The following RAD54L2 variants were observed in gnomAD, a reference collection of about 807,000 sequenced individuals.
RAD54L2 encodes RAD54 like 2, also known as helicase ARIP4.
A neutral mutation model predicts 138.4 loss-of-function variants in RAD54L2; 27 were observed. The ratio of observed to expected loss-of-function variants is 0.20; its 90% confidence interval spans 0.14 to 0.27. The LOEUF (loss-of-function observed/expected upper bound fraction) is 0.27, where lower values mean the gene tolerates loss of function less well. RAD54L2 is among the 10% of genes least tolerant of loss of function. The pLI is 1.00. For missense variants in RAD54L2, 1,396 were observed against 1,890.2 expected, an observed-to-expected ratio of 0.74 and a Z score of 4.85; for synonymous variants, 644 against 723.2, an observed-to-expected ratio of 0.89 and a Z score of 1.76.
intron 20 of RAD54L2, 54 bp from the exon 21 acceptor site, chr3:51,657,526 C>A: frequency 1.6e-6 from 2 of 1,253,456 alleles, no homozygotes; most frequent in South Asian, 1.3e-5. Flanking sequence ...AATTTTCCCC[C>A]CTCCTTCAGT....
intron 3 of RAD54L2, among the ~76,000 whole-genome samples, chr3:51,598,139 GTA>G (rs1253406106): frequency 4.5e-4 from 64 of 140,862 alleles, no homozygotes; most frequent in African/African-American, 1.5e-3. Flanking sequence ...ATATATGTGT[GTA>G]TATATATATG....
rs1459000928 is a variant in RAD54L2, at chr3:51,664,232, A to AT, written c.*814dup. ...CACATTTGTGTGAGAATTTGGGGAA[A>AT]TTCATGAGAGAAAATGGGCATTACC... On this transcript the variant is annotated 3_prime_UTR_variant, in exon 23 of 23. Coordinates refer to ENST00000684192, the MANE Select transcript of RAD54L2 (RefSeq NM_015106.4). The AT allele has an allele frequency of 6.6e-6, 1 of 152,130 alleles. No homozygotes were observed. Among genetic ancestry groups the AT allele is most frequent in the Non-Finnish European group, 1.5e-5 (1 of 68,028 alleles). 9.4% of individuals were successfully genotyped at this position (152,130 alleles called of 1,614,324 possible).
intron 2 of RAD54L2, among the ~76,000 whole-genome samples, chr3:51,588,306 G>A (rs917787620): frequency 1.3e-5 from 2 of 151,366 alleles, no homozygotes; most frequent in Non-Finnish European, 2.9e-5. Context: ...AGGCTGAGGC[G>A]GGAGGATCAC....
At chr3:51,575,260 A>G (rs2106674170) in intron 2 of RAD54L2, among the ~76,000 whole-genome samples, 1 of 152,222 alleles carries the variant, frequency 6.6e-6, no homozygotes, top group South Asian at 2.1e-4. Context: ...GCCTTGTAGT[A>G]TAGTTTGAAG....
intron 2 of RAD54L2, among the ~76,000 whole-genome samples, chr3:51,548,481 C>G (rs1698755884): frequency 6.6e-6 from 1 of 152,204 alleles, no homozygotes. Flanking sequence ...AGCCACCACG[C>G]CCAGCCAACA....
intron 2 of RAD54L2, among the ~76,000 whole-genome samples, chr3:51,585,840 T>G (rs1312128396): frequency 6.6e-6 from 1 of 152,150 alleles, no homozygotes; most frequent in Non-Finnish European, 1.5e-5. Context: ...ACAATTTGAT[T>G]CCCAGAACTT....
intron 1 of RAD54L2, 36 bp from the exon 2 acceptor site, chr3:51,541,553 G>C (rs886310780): frequency 6.6e-6 from 1 of 152,208 alleles, no homozygotes; most frequent in Non-Finnish European, 1.5e-5. Flanking sequence ...GCATGAAGGC[G>C]TTGCTTATCC....
intron 21 of RAD54L2, among the ~76,000 whole-genome samples, chr3:51,659,102 T>G (rs1372405345): frequency 7.2e-6 from 1 of 139,092 alleles, no homozygotes; most frequent in Non-Finnish European, 1.6e-5. Context: ...GCTCTTGTTT[T>G]TTTTTTTTTT....
chr3:51,655,913 G>T, intron 19 of RAD54L2, 58 bp from the exon 20 acceptor site: 2 of 1,462,038 alleles, frequency 1.4e-6, no homozygotes, highest in South Asian at 1.3e-5. Flanking sequence ...TGTAGCCTTT[G>T]GAAAAGGTAA....
chr3:51,633,457 C>A, intron 7 of RAD54L2, 120 bp from the exon 8 acceptor site: 2 of 968,196 alleles, frequency 2.1e-6, no homozygotes, highest in Non-Finnish European at 3.1e-6. Context: ...TGGCCATCCA[C>A]ACCTGCTATC....
At chr3:51,562,559 T>C (rs1468432671) in intron 2 of RAD54L2, among the ~76,000 whole-genome samples, 1 of 151,966 alleles carries the variant, frequency 6.6e-6, no homozygotes, top group Non-Finnish European at 1.5e-5. Flanking sequence ...CAGACAGGGT[T>C]TCACCATGTT....
chr3:51,574,694 T>C (rs1417413216), intron 2 of RAD54L2, among the ~76,000 whole-genome samples: 1 of 152,184 alleles, frequency 6.6e-6, no homozygotes, highest in African/African-American at 2.4e-5. Flanking sequence ...GATGGGGTTG[T>C]TTGATTTTTT....
intron 3 of RAD54L2, among the ~76,000 whole-genome samples, chr3:51,605,021 A>G (rs1184725087): frequency 6.6e-6 from 1 of 151,270 alleles, no homozygotes; most frequent in Non-Finnish European, 1.5e-5. Flanking sequence ...TCCCAGGTTC[A>G]AGTGATTCTT....
At chr3:51,614,401 C>T (rs978386808) in intron 3 of RAD54L2, among the ~76,000 whole-genome samples, 9 of 151,896 alleles carry the variant, frequency 5.9e-5, no homozygotes, top group South Asian at 2.1e-4. Flanking sequence ...TGACCTCAAG[C>T]GATCTTTCTG....
chr3:51,587,996 C>T (rs1699744011), intron 2 of RAD54L2, among the ~76,000 whole-genome samples: 1 of 150,634 alleles, frequency 6.6e-6, no homozygotes, highest in Non-Finnish European at 1.5e-5. Context: ...ACCATCCTGG[C>T]TAACACGGTG....
At chr3:51,586,014 CCCGCCCCCA>C (rs976538698) in intron 2 of RAD54L2, among the ~76,000 whole-genome samples, 3 of 151,836 alleles carry the variant, frequency 2.0e-5, no homozygotes, top group African/African-American at 7.3e-5. Flanking sequence ...TTATCACCAC[CCCGCCCCCA>C]CCGCCACCAA....
At chr3:51,607,430 T>TTA in intron 3 of RAD54L2, among the ~76,000 whole-genome samples, 1 of 152,320 alleles carries the variant, frequency 6.6e-6, no homozygotes, top group Non-Finnish European at 1.5e-5. Context: ...GGGGGTAAGG[T>TTA]TATAGATCAA....
intron 2 of RAD54L2, among the ~76,000 whole-genome samples, chr3:51,588,091 C>G (rs1318891276): frequency 7.1e-6 from 1 of 140,358 alleles, no homozygotes; most frequent in Non-Finnish European, 1.5e-5. Flanking sequence ...GAGGCTGAGG[C>G]AGGAGAATGG....
intron 19 of RAD54L2, among the ~76,000 whole-genome samples, chr3:51,649,633 G>A (rs1701377280): frequency 1.3e-5 from 2 of 152,218 alleles, no homozygotes; most frequent in South Asian, 2.1e-4. Context: ...AGAGAGTGGG[G>A]GCCAATATTC....
Sources: allele counts gnomAD v4.1 joint callset (sites outside exome capture counted in the v4.1 genomes callset), GRCh38; gene constraint gnomAD v4.1.1; transcripts MANE v1.5; gene names NCBI Gene and HGNC (gene_info 2026-07-23, HGNC 2026-07-21).